FNDC3B: variants seen among roughly 807,000 people sequenced by gnomAD.
The protein encoded by FNDC3B is fibronectin type III domain-containing protein 3B.
FNDC3B carries 12 observed loss-of-function variants against 151.5 expected under a neutral mutation model. That is an observed-to-expected ratio of 0.08 (90% CI 0.05 to 0.13). The LOEUF is 0.13. Ranked by LOEUF, FNDC3B falls within the 10% of genes least tolerant of loss-of-function variation. The probability of loss-of-function intolerance (pLI) is 1.00; values close to 1 mark genes in which losing one functional copy is unlikely to be tolerated. For synonymous variants in FNDC3B, 528 were observed against 549.0 expected (o/e 0.96, Z 0.54); for missense variants, 1,214 against 1,505.3 (o/e 0.81, Z 3.20).
intron 6 of FNDC3B, among the ~76,000 whole-genome samples, chr3:172,262,986 C>G (rs1728731743): frequency 7.0e-6 from 1 of 143,666 alleles, no homozygotes; most frequent in Admixed American, 7.0e-5. Context: ...ATGCCTTTGT[C>G]AAAAGCAGCT....
chr3:172,376,805 C>T (rs1308964399), intron 23 of FNDC3B, among the ~76,000 whole-genome samples: 1 of 145,068 alleles, frequency 6.9e-6, no homozygotes, highest in Non-Finnish European at 1.5e-5. Flanking sequence ...GATGAATACA[C>T]ACGTGGATAT....
At chr3:172,350,684 C>T (rs1733811772) in intron 21 of FNDC3B, among the ~76,000 whole-genome samples, 1 of 151,968 alleles carries the variant, frequency 6.6e-6, no homozygotes, top group Non-Finnish European at 1.5e-5. Flanking sequence ...TGTTTTAGAC[C>T]TTGATTTAAG....
At chr3:172,253,151 C>T (rs1728168478) in intron 6 of FNDC3B, among the ~76,000 whole-genome samples, 1 of 152,290 alleles carries the variant, frequency 6.6e-6, no homozygotes, top group East Asian at 1.9e-4. Context: ...TAATAATTTT[C>T]ACCTTGCCTT....
intron 1 of FNDC3B, among the ~76,000 whole-genome samples, chr3:172,067,969 A>C (rs968510280): frequency 6.6e-6 from 1 of 152,164 alleles, no homozygotes; most frequent in Admixed American, 6.6e-5. Flanking sequence ...TGGGCTGTAC[A>C]TGGCCTCCCT....
chr3:172,316,521 C>T, intron 11 of FNDC3B: 3 of 422,226 alleles, frequency 7.1e-6, no homozygotes, highest in Non-Finnish European at 1.4e-5. Context: ...TTCTTGAAAA[C>T]TTGAGTAAAG....
At chr3:172,050,724 T>C (rs1716601665) in intron 1 of FNDC3B, among the ~76,000 whole-genome samples, 1 of 150,246 alleles carries the variant, frequency 6.7e-6, no homozygotes, top group South Asian at 2.1e-4. Flanking sequence ...TGTGTGTGTG[T>C]GTGTGTGTGT....
chr3:172,344,626 T>G (rs1469355048), intron 19 of FNDC3B, among the ~76,000 whole-genome samples: 1 of 152,220 alleles, frequency 6.6e-6, no homozygotes, highest in Non-Finnish European at 1.5e-5. Context: ...TATACTGTCT[T>G]GTCTAAATGA....
chr3:172,166,691 G>A (rs1199313935), intron 3 of FNDC3B, among the ~76,000 whole-genome samples: 1 of 152,050 alleles, frequency 6.6e-6, no homozygotes, highest in African/African-American at 2.4e-5. Flanking sequence ...GGAGTTTGAG[G>A]CTGCAGTGCC....
At chr3:172,369,426 C>T (rs964650804) in intron 23 of FNDC3B, among the ~76,000 whole-genome samples, 9 of 151,892 alleles carry the variant, frequency 5.9e-5, no homozygotes, top group Non-Finnish European at 1.3e-4. Context: ...ATAAATAAAT[C>T]TCCATTTTAA....
intron 3 of FNDC3B, among the ~76,000 whole-genome samples, chr3:172,177,383 A>G (rs1243319742): frequency 6.6e-6 from 1 of 152,190 alleles, no homozygotes; most frequent in East Asian, 1.9e-4. Context: ...AGAAGTTGCA[A>G]CTTTTTTGGA....
chr3:172,341,348 T>G, intron 17 of FNDC3B, 117 bp downstream of exon 17: 2 of 774,468 alleles, frequency 2.6e-6, no homozygotes, highest in Non-Finnish European at 4.6e-6. Flanking sequence ...AACCTAATAG[T>G]ATCATGTCAG....
chr3:172,086,490 A>C (rs1718552490), intron 1 of FNDC3B, among the ~76,000 whole-genome samples: 1 of 152,232 alleles, frequency 6.6e-6, no homozygotes, highest in African/African-American at 2.4e-5. Flanking sequence ...TTGTTATTAT[A>C]TGGATAAATT....
At chr3:172,141,571 C>T (rs1431571641) in intron 3 of FNDC3B, among the ~76,000 whole-genome samples, 1 of 152,214 alleles carries the variant, frequency 6.6e-6, no homozygotes, top group African/African-American at 2.4e-5. Flanking sequence ...CATAGTGGCT[C>T]ACGCCTGTAA....
chr3:172,259,585 G>T (rs1728537052), intron 6 of FNDC3B, among the ~76,000 whole-genome samples: 1 of 152,164 alleles, frequency 6.6e-6, no homozygotes, highest in Non-Finnish European at 1.5e-5. Flanking sequence ...CTACTTTTCT[G>T]TAAGACCCCT....
chr3:172,363,735 A>T (rs942166620), intron 23 of FNDC3B, among the ~76,000 whole-genome samples: 2 of 152,216 alleles, frequency 1.3e-5, no homozygotes, highest in African/African-American at 4.8e-5. Context: ...ACCCTGTCCC[A>T]GTCTCCACCC....
At chr3:172,342,965 A>C (rs754296199) in intron 17 of FNDC3B, 46 bp from the exon 18 acceptor site, 6 of 1,219,966 alleles carry the variant, frequency 4.9e-6, no homozygotes, top group South Asian at 4.8e-5. Flanking sequence ...GGTCTGATAA[A>C]TTCACAGTAA....
intron 25 of FNDC3B, among the ~76,000 whole-genome samples, chr3:172,392,439 T>C (rs1736056367): frequency 6.6e-6 from 1 of 152,174 alleles, no homozygotes; most frequent in Admixed American, 6.5e-5. Context: ...GAAGTAAAGT[T>C]TGAAAATGAG....
intron 4 of FNDC3B, among the ~76,000 whole-genome samples, chr3:172,232,809 T>G (rs1002256472): frequency 1.3e-5 from 2 of 152,244 alleles, no homozygotes; most frequent in African/African-American, 4.8e-5. Context: ...TCTTGGCTAC[T>G]TTCTGTGTAA....
chr3:172,297,953 T>A (rs1183805915), intron 8 of FNDC3B, among the ~76,000 whole-genome samples: 1 of 152,222 alleles, frequency 6.6e-6, no homozygotes, highest in African/African-American at 2.4e-5. Context: ...AAATAATGCC[T>A]GTTATATTTT....
Sources: gnomAD v4.1 joint callset for allele counts (sites outside exome capture counted in the v4.1 genomes callset) on GRCh38, gnomAD v4.1.1 for gene constraint, MANE v1.5 for transcripts, NCBI Gene and HGNC (gene_info 2026-07-23, HGNC 2026-07-21) for gene names.